Variants in RABGAP1L observed in about 807,000 individuals in gnomAD.
RABGAP1L encodes the protein rab GTPase-activating protein 1-like.
RABGAP1L carries 63 observed loss-of-function variants against 137.7 expected under a neutral mutation model. That is an observed-to-expected ratio of 0.46 (90% CI 0.37 to 0.56). The LOEUF (loss-of-function observed/expected upper bound fraction) is 0.56, where lower values mean the gene tolerates loss of function less well. Ranked by LOEUF, RABGAP1L falls within the 20% of genes least tolerant of loss-of-function variation. The pLI, the probability that RABGAP1L is intolerant of heterozygous loss-of-function variation, is 0.00. For missense variants in RABGAP1L, 1,095 were observed against 1,244.0 expected, an observed-to-expected ratio of 0.88 and a Z score of 1.80; for synonymous variants, 431 against 433.7, an observed-to-expected ratio of 0.99 and a Z score of 0.08.
chr1:174,866,706 G>A (rs999985751), intron 19 of RABGAP1L, among the ~76,000 whole-genome samples: 1 of 151,986 alleles, frequency 6.6e-6, no homozygotes, highest in African/African-American at 2.4e-5. Context: ...GAGTTTGTGA[G>A]TTCGAGACCA....
At chr1:174,623,871 A>G (rs889757758) in intron 13 of RABGAP1L, among the ~76,000 whole-genome samples, 1 of 152,218 alleles carries the variant, frequency 6.6e-6, no homozygotes, top group Admixed American at 6.5e-5. Flanking sequence ...ATTACTAGCC[A>G]GTGGCAAAGG....
chr1:174,419,850 G>GT (rs1553298805), intron 13 of RABGAP1L, among the ~76,000 whole-genome samples: 2 of 152,082 alleles, frequency 1.3e-5, no homozygotes, highest in Non-Finnish European at 2.9e-5. Flanking sequence ...TCTTTTGAAT[G>GT]TTTTTTTCTC....
intron 8 of RABGAP1L, among the ~76,000 whole-genome samples, chr1:174,274,869 A>T (rs1171250195): frequency 6.6e-6 from 1 of 152,170 alleles, no homozygotes; most frequent in African/African-American, 2.4e-5. Flanking sequence ...TGAATGGGTA[A>T]TAATGAAAAA....
chr1:174,184,382 C>T (rs1666636356), intron 1 of RABGAP1L, among the ~76,000 whole-genome samples: 1 of 152,092 alleles, frequency 6.6e-6, no homozygotes, highest in African/African-American at 2.4e-5. Context: ...TGTATGAATA[C>T]GTTTTCAACT....
chr1:174,266,447 G>A (rs1458440192), intron 7 of RABGAP1L, among the ~76,000 whole-genome samples: 1 of 152,150 alleles, frequency 6.6e-6, no homozygotes, highest in African/African-American at 2.4e-5. Context: ...TAGAACCTAT[G>A]TGTGTATATA....
chr1:174,304,875 C>T (rs1558116387), intron 10 of RABGAP1L, 111 bp from the exon 11 acceptor site: 1 of 1,002,042 alleles, frequency 1.0e-6, no homozygotes, highest in South Asian at 1.9e-5. Context: ...GTAGATCAAA[C>T]ACAACACGCC....
chr1:174,635,106 A>C (rs933113418), intron 13 of RABGAP1L, among the ~76,000 whole-genome samples: 2 of 152,038 alleles, frequency 1.3e-5, no homozygotes, highest in Non-Finnish European at 2.9e-5. Context: ...GTGTTAGGCA[A>C]ATTTACTCTC....
At chr1:174,192,318 G>GTTTTTTTTTTTTTTTTTTTGTTTT (rs1667268944) in intron 1 of RABGAP1L, among the ~76,000 whole-genome samples, 1 of 112,946 alleles carries the variant, frequency 8.9e-6, no homozygotes. Flanking sequence ...TGTCTGAGGT[G>GTTTTTTTTTTTTTTTTTTTGTTTT]TTTTTTTTTT....
At chr1:174,860,143 C>G (rs189577810) in intron 19 of RABGAP1L, among the ~76,000 whole-genome samples, 7 of 152,044 alleles carry the variant, frequency 4.6e-5, no homozygotes, top group Admixed American at 2.6e-4. Flanking sequence ...ATGGCCCTCA[C>G]TAGCTTTTGC....
In RABGAP1L at chr1:174,993,220, C is replaced by CT; in HGVS notation, c.*3220dup. 1 of 152,080 alleles carries CT rather than the reference C, an allele frequency of 6.6e-6. No homozygotes were observed. The highest frequency in any genetic ancestry group is 2.1e-4 in the South Asian group (1 of 4,826). The allele number at this position is 152,080 out of a possible 1,614,324, so 9.4% of individuals were successfully genotyped here. Reference sequence around the variant, plus strand: ...CAAAGAAATTCTGTTACTTAATGTTCTGTTTATTTATGAGTGCCTATCAGG... The same window carrying CT: ...CAAAGAAATTCTGTTACTTAATGTTCTTGTTTATTTATGAGTGCCTATCAGG... On this transcript the variant is annotated 3_prime_UTR_variant, in exon 26 of 26. Coordinates refer to ENST00000681986, the MANE Select transcript of RABGAP1L (RefSeq NM_001366446.1).
chr1:174,375,152 A>G (rs1288255715), intron 12 of RABGAP1L, among the ~76,000 whole-genome samples: 1 of 152,066 alleles, frequency 6.6e-6, no homozygotes, highest in Non-Finnish European at 1.5e-5. Flanking sequence ...CATTTTCTAC[A>G]TGGCAGTTAA....
intron 13 of RABGAP1L, among the ~76,000 whole-genome samples, chr1:174,446,628 CT>C (rs1240920962): frequency 6.6e-6 from 1 of 152,174 alleles, no homozygotes; most frequent in Non-Finnish European, 1.5e-5. Flanking sequence ...TAAAGTTCAT[CT>C]TGATACTTTA....
At chr1:174,253,140 TAAC>T (rs1449090539) in intron 7 of RABGAP1L, among the ~76,000 whole-genome samples, 1 of 152,128 alleles carries the variant, frequency 6.6e-6, no homozygotes, top group Non-Finnish European at 1.5e-5. Context: ...ATAAATTTCT[TAAC>T]AATTGGCAGA....
intron 14 of RABGAP1L, among the ~76,000 whole-genome samples, chr1:174,650,231 T>C (rs1399005529): frequency 6.6e-6 from 1 of 152,168 alleles, no homozygotes; most frequent in East Asian, 1.9e-4. Context: ...CTTGATTCGG[T>C]TTGCCAGTAT....
At chr1:174,461,532 A>G (rs994556657) in intron 13 of RABGAP1L, among the ~76,000 whole-genome samples, 2 of 152,122 alleles carry the variant, frequency 1.3e-5, no homozygotes, top group Non-Finnish European at 2.9e-5. Context: ...TGGCTACTCA[A>G]TTATTTGTTG....
intron 11 of RABGAP1L, among the ~76,000 whole-genome samples, chr1:174,341,945 CTG>C (rs1451730945): frequency 6.6e-6 from 1 of 152,222 alleles, no homozygotes; most frequent in African/African-American, 2.4e-5. Context: ...TAACTGAACT[CTG>C]TACTTGAAGG....
intron 1 of RABGAP1L, among the ~76,000 whole-genome samples, chr1:174,195,574 A>ATTCTTTCTTTCTTGCTTTCTTTCT (rs1667515326): frequency 1.3e-5 from 1 of 74,540 alleles, no homozygotes; most frequent in Non-Finnish European, 2.5e-5. Flanking sequence ...TTCTTAATCA[A>ATTCTTTCTTTCTTGCTTTCTTTCT]TTCTTTCTTT....
chr1:174,988,689 G>C lies in RABGAP1L; in HGVS notation c.2854G>C (p.Gly952Arg), dbSNP rs1472171479. The change falls in exon 25 of 26, where the codon GGT (glycine) becomes CGT (arginine). Residue 952 changes from glycine to arginine, a missense_variant. Transcript: ENST00000681986. ...KHCSDIFSKE[G>R]ALKLAATGRE... ...CTGCAGTGACATTTTCAGCAAGGAG[G>C]GTGCTTTGAAACTAGCAGCCACAGG... The C allele has an allele frequency of 6.5e-7, 1 of 1,548,432 alleles. No individual in the cohort carries two copies. The highest frequency in any genetic ancestry group is 2.0e-5 in the Admixed American group (1 of 50,640).
chr1:174,226,228 A>T (rs1160123537), intron 3 of RABGAP1L, among the ~76,000 whole-genome samples: 1 of 152,114 alleles, frequency 6.6e-6, no homozygotes, highest in Non-Finnish European at 1.5e-5. Context: ...AGAGGTTCAG[A>T]TTTTCACTTT....
Sources: gnomAD v4.1 joint callset for allele counts (sites outside exome capture counted in the v4.1 genomes callset) on GRCh38, gnomAD v4.1.1 for gene constraint, MANE v1.5 for transcripts, NCBI Gene and HGNC (gene_info 2026-07-23, HGNC 2026-07-21) for gene names.